Variants in PDLIM2 observed in about 807,000 individuals in gnomAD.
PDLIM2 encodes PDZ and LIM domain protein 2.
Under a neutral mutation model 54.1 loss-of-function variants are expected in PDLIM2, and 51 were observed. The observed-to-expected ratio is 0.94, with a 90% CI of 0.75 to 1.19. The LOEUF is 1.19. Among genes scored for constraint, PDLIM2 ranks in the 50% most tolerant of loss-of-function variants. The pLI is 0.00. For missense variants in PDLIM2, 912 were observed against 874.0 expected (o/e 1.04, Z -0.55); for synonymous variants, 398 against 385.6 (o/e 1.03, Z -0.38).
Position 22,591,678 on chromosome 8 carries a change from G to A in PDLIM2, c.1631+10G>A. The A allele has an allele frequency of 5.6e-6, 9 of 1,602,198 alleles. No individual in the cohort carries two copies. Among genetic ancestry groups the A allele is most frequent in the Non-Finnish European group, 6.8e-6 (8 of 1,173,172 alleles). On this transcript the variant is annotated intron_variant, in intron 9 of 9. Transcript: ENST00000308354. ...GCAGTACCAGCATCGCGTGAGTGTG[G>A]AGGGGGGTGGGGGACCTGAGCCTTC... is the stretch of plus-strand genomic sequence containing the variant.
rs1349106398 is a variant in PDLIM2 at position 22,581,375 on chromosome 8, A to G, written c.844-4A>G. 2.5e-6 allele frequency: 4 copies of G among 1,595,874 alleles called. No individual in the cohort carries two copies. The highest frequency in any genetic ancestry group is 1.7e-5 in the Admixed American group (1 of 58,742). On this transcript the variant is annotated splice_polypyrimidine_tract_variant and splice_region_variant and intron_variant, in intron 2 of 9. Transcript: ENST00000308354. ...CTGAGCATGCCAGCTCCTCATCCCT[A>G]CAGGTGGCCGAGCGGGGCAAAGCCA... is the stretch of plus-strand genomic sequence containing the variant.
downstream of PDLIM2, chr8:22,594,418 C>T (rs551174687): frequency 3.6e-5 from 57 of 1,580,350 alleles, no homozygotes; most frequent in African/African-American, 6.8e-4. Context: ...TCCCTCAAAT[C>T]CCACCCCTGC....
chr8:22,591,844 T>G (rs1418235597), intron 9 of PDLIM2, 176 bp downstream of exon 8: 12 of 570,414 alleles, frequency 2.1e-5, no homozygotes, highest in African/African-American at 9.6e-5. Context: ...TACAGGCTTC[T>G]TAGGAGCCTA....
At chr8:22,594,653 A>G (rs1800643804), downstream of PDLIM2, 2 of 1,611,994 alleles carry the variant, frequency 1.2e-6, no homozygotes, top group African/African-American at 2.7e-5. Context: ...CTGGTGAGAC[A>G]ACCTCTGATC....
intron 3 of PDLIM2, among the ~76,000 whole-genome samples, chr8:22,583,694 G>A (rs1800279038): frequency 1.3e-5 from 2 of 151,862 alleles, no homozygotes; most frequent in South Asian, 4.1e-4. Context: ...TTGAACCCAG[G>A]AGGTGGAGGT....
intron 8 of PDLIM2, 161 bp from the exon 8 acceptor site, chr8:22,591,390 G>T: frequency 1.5e-6 from 1 of 686,822 alleles, no homozygotes. Flanking sequence ...CTCAGCCATG[G>T]ATCTGGCAAG....
At chr8:22,585,735 G>A (rs1035767246) in intron 6 of PDLIM2, 16 of 71,916 alleles carry the variant, frequency 2.2e-4, no homozygotes, top group East Asian at 8.1e-4. Context: ...TGCTGTTGTT[G>A]GGATGATTCC....
chr8:22,581,421 G>C, exon 3 of PDLIM2: 1 of 1,608,236 alleles, frequency 6.2e-7, no homozygotes, highest in Non-Finnish European at 8.5e-7. Flanking sequence ...CCTCCGGCCT[G>C]GAGACATAAT....
At chr8:22,590,221 G>C (rs530598641) in intron 8 of PDLIM2, 1 of 165,336 alleles carries the variant, frequency 6.0e-6, no homozygotes, top group African/African-American at 2.4e-5. Context: ...GGCGCCAGTG[G>C]AGGCCAAGCC....
downstream of PDLIM2, chr8:22,594,424 C>A (rs1275835152): frequency 2.5e-6 from 4 of 1,586,360 alleles, no homozygotes; most frequent in Non-Finnish European, 3.4e-6. Flanking sequence ...AAATCCCACC[C>A]CTGCCAGTTG....
intron 8 of PDLIM2, chr8:22,591,298 G>A (rs1800538586): frequency 3.6e-6 from 2 of 562,190 alleles, no homozygotes; most frequent in African/African-American, 1.9e-5. Context: ...TGCTTCACCT[G>A]ACACTGAGCA....
intron 8 of PDLIM2, chr8:22,591,118 G>A (rs567042261): frequency 1.8e-5 from 4 of 220,858 alleles, no homozygotes; most frequent in East Asian, 1.6e-4. Context: ...GCAGACGGGC[G>A]ACAGCTGCCC....
At chr8:22,593,963 A>C in exon 10 of PDLIM2, 1 of 1,518,194 alleles carries the variant, frequency 6.6e-7, no homozygotes, top group Non-Finnish European at 8.8e-7. Context: ...ATGCCTATAT[A>C]AGTTGGCATG....
chr8:22,590,635 A>G (rs763909414), intron 8 of PDLIM2: 2 of 152,402 alleles, frequency 1.3e-5, no homozygotes, highest in African/African-American at 4.8e-5. Context: ...TTCATCTATG[A>G]CTTTGAATTT....
At chr8:22,579,148 G>C in exon 1 of PDLIM2, 2 of 1,321,496 alleles carry the variant, frequency 1.5e-6, no homozygotes, top group Non-Finnish European at 1.9e-6. Context: ...GTAGACGGCA[G>C]CGGGAGCGGT....
chr8:22,584,693 C>T, intron 3 of PDLIM2, 128 bp from the exon 3 acceptor site: 1 of 789,080 alleles, frequency 1.3e-6, no homozygotes, highest in Non-Finnish European at 2.1e-6. Context: ...AAGTTGACAA[C>T]CGGATGTCCA....
Position 22,581,379 on chromosome 8 carries a change from G to A in PDLIM2, c.844G>A (p.Val282Met), listed in dbSNP as rs765921930. 14 of 1,598,312 alleles carry A rather than the reference G, an allele frequency of 8.8e-6. No homozygotes were observed. In the Admixed American group the frequency reaches 2.4e-4, roughly 27 times the overall value. Reference sequence around the variant, plus strand: ...GCATGCCAGCTCCTCATCCCTACAGGTGGCCGAGCGGGGCAAAGCCAAGGA... The same window carrying A: ...GCATGCCAGCTCCTCATCCCTACAGATGGCCGAGCGGGGCAAAGCCAAGGA... Residue 282 changes from valine to methionine, a missense_variant and splice_region_variant, in exon 3 of 10, where the codon GTG becomes ATG. Transcript: ENST00000308354.
At chr8:22,583,191 G>C (rs767247087) in intron 3 of PDLIM2, among the ~76,000 whole-genome samples, 1 of 152,146 alleles carries the variant, frequency 6.6e-6, no homozygotes, top group Non-Finnish European at 1.5e-5. Context: ...GTTCCACTTT[G>C]GAAGAGGGTA....
Position 22,579,185 on chromosome 8 carries a change from CG to C in PDLIM2, c.409del (p.Ala137ProfsTer117). On this transcript the variant is annotated frameshift_variant, in exon 1 of 10. Transcript: ENST00000308354. LOFTEE classifies it high-confidence loss of function. ...GCGTCTCCCCGCCTTCCCTCCCTCCCGGGCCTGGGCGCCCAGCCGGACAGGT... is the reference window on the plus strand; with the variant it reads ...GCGTCTCCCCGCCTTCCCTCCCTCCCGGCCTGGGCGCCCAGCCGGACAGGT... 2.2e-6 allele frequency: 3 copies of C among 1,381,120 alleles called. No individual in the cohort carries two copies. Among genetic ancestry groups the C allele is most frequent in the Non-Finnish European group, 2.8e-6 (3 of 1,069,190 alleles). 85.6% of individuals were successfully genotyped at this position (1,381,120 alleles called of 1,614,324 possible).
Sources: allele counts gnomAD v4.1 joint callset (sites outside exome capture counted in the v4.1 genomes callset), GRCh38; gene constraint gnomAD v4.1.1; transcripts MANE v1.5; gene names NCBI Gene and HGNC (gene_info 2026-07-23, HGNC 2026-07-21).